The following DPF3 variants were observed in gnomAD, a reference collection of about 807,000 sequenced individuals.
DPF3 encodes double PHD fingers 3, also known as zinc finger protein DPF3.
Under a neutral mutation model 56.8 loss-of-function variants are expected in DPF3, and 18 were observed. The ratio of observed to expected loss-of-function variants is 0.32; its 90% CI spans 0.22 to 0.47. The LOEUF (loss-of-function observed/expected upper bound fraction) is 0.47, where lower values mean the gene tolerates loss of function less well. DPF3 is among the 20% of genes least tolerant of loss of function. The probability of loss-of-function intolerance (pLI) is 1.00; values close to 1 mark genes in which losing one functional copy is unlikely to be tolerated. For missense variants in DPF3, 403 were observed against 488.8 expected (o/e 0.82, Z 1.65); for synonymous variants, 188 against 180.2 (o/e 1.04, Z -0.35).
chr14:72,765,338 T>C lies in DPF3; in HGVS notation c.193+6395A>G, dbSNP rs1300992280. 3.9e-5 allele frequency among the ~76,000 whole-genome samples: 6 copies of C among 152,318 alleles called. No individual in the cohort carries two copies. The East Asian group carries it at 9.7e-4, about 25-fold the overall frequency. ...GGTACAACCACTTTGGAAAAGAGCT[T>C]GGCAGTTTCTTTAATAGTGAAACAT... On this transcript the variant is annotated intron_variant, in intron 2 of 10. Transcript: ENST00000556509.
In DPF3 at chr14:72,744,647, C is replaced by T. The variant is rs574886055; in HGVS notation, c.301+8617G>A. Among the ~76,000 whole-genome samples the T allele has an allele frequency of 1.7e-3, 265 of 152,202 alleles. 2 individuals are homozygous for T. The highest frequency in any genetic ancestry group is 6.1e-3 in the African/African-American group (254 of 41,516). On this transcript the variant is annotated intron_variant, in intron 3 of 10. Transcript: ENST00000556509. The stretch of plus-strand genomic sequence containing the variant: ...GTGCACCCCCCACTCTTTGCCCTGA[C>T]CTGGTTTCCTGACACAGCTCCGCAG...
At chr14:72,743,463 A>G (rs778110560) in intron 3 of DPF3, among the ~76,000 whole-genome samples, 19 of 152,118 alleles carry the variant, frequency 1.2e-4, no homozygotes, top group Non-Finnish European at 2.4e-4. Context: ...TAAAATGAAG[A>G]TAATATCTGT....
intron 5 of DPF3, among the ~76,000 whole-genome samples, chr14:72,719,647 C>T (rs1889085368): frequency 6.6e-6 from 1 of 152,222 alleles, no homozygotes; most frequent in African/African-American, 2.4e-5. Context: ...GCTTTGACTT[C>T]TTGGGCTGAA....
intron 1 of DPF3, among the ~76,000 whole-genome samples, chr14:72,816,639 T>C (rs1316177332): frequency 6.9e-6 from 1 of 144,732 alleles, no homozygotes; most frequent in Non-Finnish European, 1.5e-5. Context: ...CAGGCATAAA[T>C]GGAAAAAAAA....
chr14:72,879,490 T>C (rs1397505027), intron 1 of DPF3, among the ~76,000 whole-genome samples: 1 of 151,312 alleles, frequency 6.6e-6, no homozygotes, highest in Non-Finnish European at 1.5e-5. Context: ...GAGAGAAGAG[T>C]ATGTTCAGCT....
At chr14:72,748,740 G>A (rs970101092) in intron 3 of DPF3, among the ~76,000 whole-genome samples, 5 of 152,220 alleles carry the variant, frequency 3.3e-5, no homozygotes, top group Non-Finnish European at 5.9e-5. Context: ...TGGCTGAAAG[G>A]GGCCAACATA....
chr14:72,641,447 T>A (rs1443759080), intron 8 of DPF3, among the ~76,000 whole-genome samples: 2 of 152,186 alleles, frequency 1.3e-5, no homozygotes, highest in Non-Finnish European at 2.9e-5. Flanking sequence ...CGGCGATGAA[T>A]CAAATCCCAC....
At chr14:72,631,175 A>C (rs1885149214) in intron 8 of DPF3, among the ~76,000 whole-genome samples, 1 of 152,112 alleles carries the variant, frequency 6.6e-6, no homozygotes. Context: ...TGGGGAGGGG[A>C]CACTCAGTGA....
At chr14:72,807,885 A>C (rs1718589136) in intron 1 of DPF3, among the ~76,000 whole-genome samples, 1 of 152,130 alleles carries the variant, frequency 6.6e-6, no homozygotes, top group African/African-American at 2.4e-5. Flanking sequence ...AGATCACTTG[A>C]GCCCTGGAGT....
intron 1 of DPF3, among the ~76,000 whole-genome samples, chr14:72,877,290 C>T (rs988091817): frequency 1.3e-5 from 2 of 152,132 alleles, no homozygotes; most frequent in Non-Finnish European, 2.9e-5. Flanking sequence ...CCAGGGCTGC[C>T]GGCTCTGAGT....
intron 2 of DPF3, among the ~76,000 whole-genome samples, chr14:72,766,436 G>T (rs1361516348): frequency 6.6e-6 from 1 of 152,128 alleles, no homozygotes; most frequent in Admixed American, 6.5e-5. Flanking sequence ...TATCTATCTA[G>T]CTATCTAACT....
intron 8 of DPF3, among the ~76,000 whole-genome samples, chr14:72,648,883 A>G (rs1046864897): frequency 2.6e-5 from 4 of 152,006 alleles, no homozygotes; most frequent in East Asian, 1.9e-4. Flanking sequence ...CCCTCTGTTG[A>G]GCGTCCAATT....
intron 9 of DPF3, among the ~76,000 whole-genome samples, chr14:72,626,925 C>CT (rs201737812): frequency 0.022 from 3,075 of 139,650 alleles, 71 homozygotes; most frequent in African/African-American, 0.055. Context: ...TGCATTTGAA[C>CT]TTTTTTTTTT....
intron 2 of DPF3, among the ~76,000 whole-genome samples, chr14:72,756,512 A>T (rs1890794381): frequency 6.6e-6 from 1 of 152,162 alleles, no homozygotes; most frequent in African/African-American, 2.4e-5. Context: ...GAAATGGGAG[A>T]GAAAAGAGAG....
chr14:72,739,271 A>G (rs2139871781), intron 3 of DPF3, among the ~76,000 whole-genome samples: 1 of 152,172 alleles, frequency 6.6e-6, no homozygotes, highest in African/African-American at 2.4e-5. Context: ...AGTGCAAAGA[A>G]ATACAGACAA....
intron 6 of DPF3, among the ~76,000 whole-genome samples, chr14:72,693,829 A>G (rs1307848270): frequency 1.3e-5 from 2 of 152,218 alleles, no homozygotes; most frequent in African/African-American, 4.8e-5. Context: ...TGCAAGAAGT[A>G]GAAAAGTTTT....
At chr14:72,839,812 C>G (rs1482426859) in intron 1 of DPF3, among the ~76,000 whole-genome samples, 1 of 152,326 alleles carries the variant, frequency 6.6e-6, no homozygotes, top group East Asian at 1.9e-4. Context: ...AAAACCTGCA[C>G]TGTAGGACCC....
At chr14:72,874,321 A>G (rs1476892522) in intron 1 of DPF3, among the ~76,000 whole-genome samples, 1 of 151,970 alleles carries the variant, frequency 6.6e-6, no homozygotes, top group Non-Finnish European at 1.5e-5. Context: ...TATTAAAAAT[A>G]CAAAAAAATT....
chr14:72,682,343 T>C (rs904622035), intron 7 of DPF3, among the ~76,000 whole-genome samples: 1 of 152,152 alleles, frequency 6.6e-6, no homozygotes, highest in Admixed American at 6.5e-5. Flanking sequence ...GGTCAGTTCA[T>C]GCCCTGGTGT....
Sources: gnomAD v4.1 joint callset for allele counts (sites outside exome capture counted in the v4.1 genomes callset) on GRCh38, gnomAD v4.1.1 for gene constraint, MANE v1.5 for transcripts, NCBI Gene and HGNC (gene_info 2026-07-23, HGNC 2026-07-21) for gene names.